RBMS2: variants seen among roughly 807,000 people sequenced by gnomAD.
The protein encoded by RBMS2 is RNA binding motif single stranded interacting protein 2, also known as RNA-binding motif, single-stranded-interacting protein 2.
Under a neutral mutation model 58.4 loss-of-function variants are expected in RBMS2, and 38 were observed. That is an observed-to-expected ratio of 0.65 (90% CI 0.50 to 0.85). The LOEUF is 0.85. Among genes scored for constraint, RBMS2 ranks in the 40% least tolerant of loss-of-function variants. The pLI, the probability that RBMS2 is intolerant of heterozygous loss-of-function variation, is 0.00. For synonymous variants in RBMS2, 151 were observed against 180.7 expected (o/e 0.84, Z 1.32); for missense variants, 367 against 503.7 (o/e 0.73, Z 2.60).
intron 10 of RBMS2, 31 bp downstream of exon 10, chr12:56,586,957 G>C: frequency 6.3e-7 from 1 of 1,590,378 alleles, no homozygotes; most frequent in Non-Finnish European, 8.6e-7. Context: ...AGAAGCCAAA[G>C]AGGCAATTTG....
Position 56,589,033 on chromosome 12 carries a change from CT to C in RBMS2, c.*6+16del. The C allele has an allele frequency of 6.2e-7, 1 of 1,614,140 alleles. No homozygotes were observed. The highest frequency in any genetic ancestry group is 8.5e-7 in the Non-Finnish European group (1 of 1,179,988). On this transcript the variant is annotated intron_variant, in intron 13 of 13. Transcript: ENST00000262031. ...AGTAACAGTGGGTAAGAACCACATG[CT>C]GGGGGGCAGGGAGGGCTGCACTGGC...
At chr12:56,553,407 C>T (rs1878636948) in intron 1 of RBMS2, among the ~76,000 whole-genome samples, 1 of 152,102 alleles carries the variant, frequency 6.6e-6, no homozygotes, top group Non-Finnish European at 1.5e-5. Context: ...CTACTCACTA[C>T]AACCTCCGCC....
intron 1 of RBMS2, among the ~76,000 whole-genome samples, chr12:56,526,617 T>TG (rs1465079723): frequency 8.3e-4 from 118 of 142,828 alleles, no homozygotes; most frequent in Non-Finnish European, 1.5e-3. Flanking sequence ...TAATTTTGTG[T>TG]TTTTTTTTTT....
intron 3 of RBMS2, 92 bp from the exon 4 acceptor site, chr12:56,569,807 G>T: frequency 9.1e-7 from 1 of 1,096,742 alleles, no homozygotes; most frequent in Non-Finnish European, 1.4e-6. Context: ...CTGTTACATG[G>T]ATCATAACTC....
rs753475050 is a variant in RBMS2, at chr12:56,569,918, T to C, written c.312T>C (p.Phe104=). ...NKCKGYGFVD[F]DSPSAAQKAV... ...TTCCAGGCTATGGCTTTGTAGATTT[T>C]GACAGCCCTTCAGCAGCACAGAAAG... Residue 104 remains phenylalanine (F), a synonymous_variant, in exon 4 of 14, where the codon TTT becomes TTC. Transcript: ENST00000262031. The C allele has an allele frequency of 5.6e-6, 9 of 1,613,718 alleles. No individual in the cohort carries two copies. The African/African-American group carries it at 1.2e-4, about 22-fold the overall frequency.
At chr12:56,562,385 T>C in intron 1 of RBMS2, 32 bp from the exon 2 acceptor site, 1 of 1,561,628 alleles carries the variant, frequency 6.4e-7, no homozygotes, top group East Asian at 2.2e-5. Context: ...AAATGGATAA[T>C]CCTTCTACCT....
intron 1 of RBMS2, chr12:56,539,912 A>C: frequency 4.3e-6 from 1 of 230,188 alleles, no homozygotes; most frequent in Non-Finnish European, 9.0e-6. Context: ...TATTCCTTCC[A>C]AAGTCCCACC....
chr12:56,536,554 CTTCT>C (rs1215212669), intron 1 of RBMS2, among the ~76,000 whole-genome samples: 4 of 149,296 alleles, frequency 2.7e-5, no homozygotes, highest in African/African-American at 4.9e-5. Context: ...TCCTTCTCTC[CTTCT>C]TTCTTTTTTT....
chr12:56,588,052 G>A (rs1884918708), intron 11 of RBMS2, among the ~76,000 whole-genome samples: 1 of 152,184 alleles, frequency 6.6e-6, no homozygotes, highest in Non-Finnish European at 1.5e-5. Context: ...AGAAGGGAGT[G>A]TGTTGAGGAA....
At position 56,581,822 on chromosome 12, in the gene RBMS2, T is replaced by G; in HGVS notation, c.733-11T>G. On this transcript the variant is annotated splice_polypyrimidine_tract_variant and intron_variant, in intron 7 of 13. Transcript: ENST00000262031. ...GGCTCACAATGTGAACACTGTGTTC[T>G]TTCTTTATAGGGCGTCATGGCCTTG... 2 of 1,614,140 alleles carry G rather than the reference T, an allele frequency of 1.2e-6. No homozygotes were observed. The highest frequency in any genetic ancestry group is 1.7e-6 in the Non-Finnish European group (2 of 1,179,964).
chr12:56,573,905 A>G (rs1440927047), intron 5 of RBMS2, among the ~76,000 whole-genome samples: 1 of 152,170 alleles, frequency 6.6e-6, no homozygotes, highest in East Asian at 1.9e-4. Flanking sequence ...CAATGGCACA[A>G]TCTTGGCTCA....
intron 1 of RBMS2, among the ~76,000 whole-genome samples, chr12:56,527,634 A>G (rs2933235): frequency 0.13 from 19,176 of 151,926 alleles, 1,429 homozygotes; most frequent in Middle Eastern, 0.18. Flanking sequence ...AAAACAAACA[A>G]AAACAAAAAC....
rs1592520864 is a variant in RBMS2 at position 56,588,822 on chromosome 12, T to G, written c.1144-110T>G. On this transcript the variant is annotated intron_variant, in intron 12 of 13. Coordinates refer to ENST00000262031, the MANE Select transcript of RBMS2 (RefSeq NM_002898.4). ...AACACTCACACATGAGTGTGGAGAG[T>G]GGGTAGGTTTGGGAGGGCACTCGAT... 8 of 898,954 alleles carry G rather than the reference T, an allele frequency of 8.9e-6. No homozygotes were observed. In the South Asian group the frequency reaches 1.0e-4, roughly 11 times the overall value. 55.7% of individuals were successfully genotyped at this position (898,954 alleles called of 1,614,324 possible).
At chr12:56,582,826 G>A (rs1051239729) in intron 9 of RBMS2, among the ~76,000 whole-genome samples, 14 of 152,074 alleles carry the variant, frequency 9.2e-5, no homozygotes, top group Non-Finnish European at 1.2e-4. Flanking sequence ...GCGCCACCAC[G>A]CCCAGCTAAT....
At position 56,589,217 on chromosome 12, in the gene RBMS2, A is replaced by G. The variant is rs2136618410; in HGVS notation, c.*84A>G. The G allele has an allele frequency of 6.6e-7, 1 of 1,508,438 alleles. No homozygotes were observed. The allele number at this position is 1,508,438 out of a possible 1,614,324, so 93.4% of individuals were successfully genotyped here. On this transcript the variant is annotated 3_prime_UTR_variant, in exon 14 of 14. Transcript: ENST00000262031. ...GCTCCCAGATTCCAGAGGGTTAACCAGGAATGGAGACCATCCGTCGGCCCT... is the reference window on the plus strand; with the variant it reads ...GCTCCCAGATTCCAGAGGGTTAACCGGGAATGGAGACCATCCGTCGGCCCT...
upstream of RBMS2, among the ~76,000 whole-genome samples, chr12:56,520,842 T>C (rs1871652707): frequency 6.6e-6 from 1 of 152,178 alleles, no homozygotes; most frequent in South Asian, 2.1e-4. Flanking sequence ...TTGTTTCAGT[T>C]TCATGGATCT....
At chr12:56,563,260 C>T (rs1880761314) in intron 2 of RBMS2, among the ~76,000 whole-genome samples, 1 of 152,180 alleles carries the variant, frequency 6.6e-6, no homozygotes. Context: ...CCTCCCCCAA[C>T]CTGATGGTCT....
At chr12:56,547,651 T>C (rs1165845026) in intron 1 of RBMS2, among the ~76,000 whole-genome samples, 1 of 126,892 alleles carries the variant, frequency 7.9e-6, no homozygotes, top group Non-Finnish European at 1.8e-5. Context: ...ACTTTTCTTT[T>C]CTTTTTTTTT....
intron 1 of RBMS2, among the ~76,000 whole-genome samples, chr12:56,535,801 CCTT>C (rs1414293122): frequency 6.6e-6 from 1 of 152,110 alleles, no homozygotes; most frequent in East Asian, 1.9e-4. Flanking sequence ...TTATCCTTGA[CCTT>C]CTTTTCCCCC....
Sources: gnomAD v4.1 joint callset for allele counts (sites outside exome capture counted in the v4.1 genomes callset) on GRCh38, gnomAD v4.1.1 for gene constraint, MANE v1.5 for transcripts, NCBI Gene and HGNC (gene_info 2026-07-23, HGNC 2026-07-21) for gene names.